Variants in PLXNA4 observed in about 807,000 individuals in gnomAD.
The protein encoded by PLXNA4 is plexin-A4.
Under a neutral mutation model 191.8 loss-of-function variants are expected in PLXNA4, and 44 were observed. The ratio of observed to expected loss-of-function variants is 0.23; its 90% CI spans 0.18 to 0.29. The LOEUF (loss-of-function observed/expected upper bound fraction) is 0.29. Among genes scored for constraint, PLXNA4 ranks in the 10% least tolerant of loss-of-function variants. The pLI is 1.00. For missense variants in PLXNA4, 1,800 were observed against 2,488.8 expected (o/e 0.72, Z 5.89); for synonymous variants, 1,082 against 1,009.5 (o/e 1.07, Z -1.36).
intron 3 of PLXNA4, among the ~76,000 whole-genome samples, chr7:132,311,156 T>TTTTGTG (rs1194153948): frequency 7.6e-6 from 1 of 132,040 alleles, no homozygotes; most frequent in Non-Finnish European, 1.6e-5. Context: ...TCTAGGATAA[T>TTTTGTG]TGTGTGTGTG....
At chr7:132,458,643 T>C (rs904751149) in intron 3 of PLXNA4, among the ~76,000 whole-genome samples, 15 of 151,438 alleles carry the variant, frequency 9.9e-5, no homozygotes, top group African/African-American at 3.6e-4. Flanking sequence ...GAGGTCAGGA[T>C]GGTGGCTGTC....
chr7:132,153,830 T>C (rs1455076083), intron 25 of PLXNA4, among the ~76,000 whole-genome samples: 1 of 152,142 alleles, frequency 6.6e-6, no homozygotes, highest in Non-Finnish European at 1.5e-5. Context: ...CACCCACACA[T>C]GTACACACAC....
chr7:132,419,597 A>C (rs1794781859), intron 3 of PLXNA4, among the ~76,000 whole-genome samples: 1 of 152,222 alleles, frequency 6.6e-6, no homozygotes, highest in Non-Finnish European at 1.5e-5. Flanking sequence ...GTTTCTGTCC[A>C]TTCTTCTGTT....
chr7:132,384,331 C>T, intron 3 of PLXNA4: 1 of 985,474 alleles, frequency 1.0e-6, no homozygotes, highest in Non-Finnish European at 1.2e-6. Context: ...ACACTCTTGA[C>T]TACACTTTAT....
intron 8 of PLXNA4, among the ~76,000 whole-genome samples, chr7:132,225,505 C>T (rs758779643): frequency 1.3e-5 from 2 of 152,186 alleles, no homozygotes; most frequent in Non-Finnish European, 1.5e-5. Flanking sequence ...TCAGCTGGTC[C>T]GGCTACAGAG....
chr7:132,145,168 T>G lies in PLXNA4; in HGVS notation c.5176A>C (p.Lys1726Gln), dbSNP rs770479225. Residue 1726 changes from lysine (K) to glutamine (Q), a missense_variant, in exon 29 of 32, where the codon AAA (lysine) becomes CAA (glutamine). By Grantham distance (53) the Lys-to-Gln change is moderately conservative. Around this residue, in one of 6 missense-constraint regions of PLXNA4, gnomAD observed 101 missense variants for 182.8 expected, o/e 0.55. Transcript: ENST00000321063. ...ACGTGCGGGTCATGAATGCCATGTT[T>G]ATCAGCCTGCTCATCCAGGAAGTCA... ...MFDFLDEQAD[K>Q]HGIHDPHVRH... 2.5e-6 allele frequency: 4 copies of G among 1,614,092 alleles called. No individual in the cohort carries two copies. The highest frequency in any genetic ancestry group is 3.4e-6 in the Non-Finnish European group (4 of 1,180,044).
At chr7:132,494,029 C>T (rs1353071384) in intron 2 of PLXNA4, among the ~76,000 whole-genome samples, 1 of 152,100 alleles carries the variant, frequency 6.6e-6, no homozygotes, top group East Asian at 1.9e-4. Context: ...ACATATAGAA[C>T]AATGTTTGGC....
chr7:132,287,767 G>A (rs1052504634), intron 4 of PLXNA4, among the ~76,000 whole-genome samples: 10 of 152,188 alleles, frequency 6.6e-5, no homozygotes, highest in African/African-American at 2.4e-4. Context: ...TCTGTGAGGT[G>A]AGGCTGGTGC....
Position 132,174,913 on chromosome 7 carries a change from G to C in PLXNA4, c.3882C>G (p.Ala1294=). 6.2e-7 allele frequency: 1 copy of C among 1,613,966 alleles called. No homozygotes were observed. ...GCTCATGGATGTCCGTCTGCAGCTC[G>C]GCAAAGGCTGGCACGAAGAGAAGCC... is the stretch of plus-strand genomic sequence containing the variant. ...RVALECKEAF[A]ELQTDIHELT... Residue 1294 remains alanine, a synonymous_variant, in exon 21 of 32, where the codon GCC becomes GCG. Transcript: ENST00000321063.
chr7:132,418,864 C>A (rs766946997), intron 3 of PLXNA4, among the ~76,000 whole-genome samples: 4 of 152,162 alleles, frequency 2.6e-5, no homozygotes, highest in Non-Finnish European at 5.9e-5. Context: ...TTCCTCCAGG[C>A]CTGGATTCAC....
intron 2 of PLXNA4, among the ~76,000 whole-genome samples, chr7:132,501,123 T>C (rs1353532173): frequency 2.0e-5 from 3 of 152,104 alleles, no homozygotes; most frequent in Non-Finnish European, 4.4e-5. Flanking sequence ...AGAAATCTCA[T>C]TGTACTTGCT....
intron 3 of PLXNA4, among the ~76,000 whole-genome samples, chr7:132,353,116 C>A (rs1803558676): frequency 6.6e-6 from 1 of 152,138 alleles, no homozygotes; most frequent in Non-Finnish European, 1.5e-5. Flanking sequence ...GCTCTTCTGC[C>A]AGAGCCATGT....
intron 3 of PLXNA4, among the ~76,000 whole-genome samples, chr7:132,424,715 C>CATAT (rs1794977722): frequency 1.3e-5 from 2 of 152,196 alleles, no homozygotes; most frequent in South Asian, 4.1e-4. Context: ...TGGGGTGATG[C>CATAT]ATATCCCAGT....
chr7:132,529,701 G>T (rs1414543987), intron 1 of PLXNA4, among the ~76,000 whole-genome samples: 1 of 151,432 alleles, frequency 6.6e-6, no homozygotes, highest in East Asian at 1.9e-4. Flanking sequence ...CACCTCCTGG[G>T]TCCATGTCAT....
At chr7:132,579,648 A>G (rs191624668), upstream of PLXNA4, among the ~76,000 whole-genome samples, 893 of 151,992 alleles carry the variant, frequency 5.9e-3, 7 homozygotes, top group Middle Eastern at 0.037. Context: ...CCTGAAGAGT[A>G]ATAACAGAGC....
intron 1 of PLXNA4, among the ~76,000 whole-genome samples, chr7:132,517,002 G>A (rs1488239270): frequency 6.6e-6 from 1 of 152,144 alleles, no homozygotes; most frequent in Non-Finnish European, 1.5e-5. Context: ...TCCAGGGGCT[G>A]AGGGTCTTCT....
At chr7:132,546,763 C>T (rs1360319304) in intron 1 of PLXNA4, among the ~76,000 whole-genome samples, 1 of 152,176 alleles carries the variant, frequency 6.6e-6, no homozygotes, top group East Asian at 1.9e-4. Flanking sequence ...GGTTCTCCAT[C>T]CCCACCCTTG....
At position 132,587,033 on chromosome 7, in the gene PLXNA4, A is replaced by G. The variant is rs796616874; in HGVS notation, c.-87+58895T>C. 6.8e-4 allele frequency among the ~76,000 whole-genome samples: 104 copies of G among 152,352 alleles called. 1 individual carries two copies. The highest frequency in any genetic ancestry group is 2.4e-3 in the African/African-American group (100 of 41,592). On this transcript the variant is annotated intron_variant, in intron 2 of 4. Transcript: ENST00000378539. ...GGATCGTAAGCTGTATTAAAAGAGA[A>G]TGGAGTCCCAAAGGAAGCAGTCCCG... is the stretch of plus-strand genomic sequence containing the variant.
At chr7:132,307,765 T>G (rs1051015203) in intron 3 of PLXNA4, among the ~76,000 whole-genome samples, 2 of 151,002 alleles carry the variant, frequency 1.3e-5, no homozygotes, top group African/African-American at 4.9e-5. Flanking sequence ...TCATGCTGCT[T>G]AAGCTGCCCC....
Sources: allele counts gnomAD v4.1 joint callset (sites outside exome capture counted in the v4.1 genomes callset), GRCh38; gene constraint gnomAD v4.1.1; regional missense constraint gnomAD v4.1.1; transcripts MANE v1.5; gene names NCBI Gene and HGNC (gene_info 2026-07-23, HGNC 2026-07-21).